ZNF676: variants seen among roughly 807,000 people sequenced by gnomAD.
The protein encoded by ZNF676 is zinc finger protein 676.
In ZNF676, 4 loss-of-function variants were observed where a neutral mutation model predicts 6.0. The ratio of observed to expected loss-of-function variants is 0.67; its 90% CI spans 0.33 to 1.53. ZNF676 has a LOEUF of 1.53. Among genes scored for constraint, ZNF676 ranks in the 40% most tolerant of loss-of-function variants. The pLI is 0.06. For synonymous variants in ZNF676, 198 were observed against 223.1 expected, an observed-to-expected ratio of 0.89 and a Z score of 1.00; for missense variants, 644 against 679.7, an observed-to-expected ratio of 0.95 and a Z score of 0.58.
chr19:22,252,947 C>A, the ZNF676 span, among the ~76,000 whole-genome samples: 1 of 152,124 alleles, frequency 6.6e-6, no homozygotes, highest in Non-Finnish European at 1.5e-5. Context: ...GATTAACCAT[C>A]CTGATCATGT....
At chr19:22,192,494 C>T (rs2023920305) in intron 2 of ZNF676, among the ~76,000 whole-genome samples, 1 of 151,836 alleles carries the variant, frequency 6.6e-6, no homozygotes, top group Non-Finnish European at 1.5e-5. Context: ...ATAGCCAAAG[C>T]AATCTTGAGG....
chr19:22,213,551 C>G (rs1208899615), intron 1 of ZNF676, among the ~76,000 whole-genome samples: 1 of 151,950 alleles, frequency 6.6e-6, no homozygotes, highest in Admixed American at 6.6e-5. Context: ...GGTTGTCCTA[C>G]AGGAGATGAG....
upstream of ZNF676, among the ~76,000 whole-genome samples, chr19:22,198,558 ATTCT>A (rs1189655385): frequency 6.6e-6 from 1 of 152,076 alleles, no homozygotes; most frequent in Non-Finnish European, 1.5e-5. Flanking sequence ...CTTCCCTAGG[ATTCT>A]TTCTCAGATA....
the ZNF676 span, among the ~76,000 whole-genome samples, chr19:22,250,562 G>A: frequency 2.6e-5 from 4 of 152,052 alleles, no homozygotes; most frequent in Non-Finnish European, 4.4e-5. Context: ...GAGATTATAG[G>A]AACACATTAC....
the ZNF676 span, among the ~76,000 whole-genome samples, chr19:22,255,652 T>C: frequency 1.6e-4 from 25 of 152,166 alleles, no homozygotes; most frequent in South Asian, 8.3e-4. Context: ...GAGACCATCC[T>C]GGCTAACACG....
At chr19:22,185,012 C>T (rs187703117) in intron 2 of ZNF676, among the ~76,000 whole-genome samples, 10 of 152,172 alleles carry the variant, frequency 6.6e-5, no homozygotes, top group South Asian at 2.1e-4. Context: ...AGCGTTCAAG[C>T]GCTGCTAAGG....
intron 2 of ZNF676, among the ~76,000 whole-genome samples, chr19:22,186,952 C>T (rs1020966529): frequency 2.0e-5 from 3 of 152,182 alleles, no homozygotes; most frequent in Non-Finnish European, 4.4e-5. Flanking sequence ...TAACACCCCA[C>T]TGTCAATATT....
intron 2 of ZNF676, among the ~76,000 whole-genome samples, chr19:22,183,991 G>A (rs1568526423): frequency 6.6e-6 from 1 of 152,122 alleles, no homozygotes; most frequent in Non-Finnish European, 1.5e-5. Context: ...AGAAACACAA[G>A]GAGATCAATA....
At chr19:22,253,301 C>T in the ZNF676 span, among the ~76,000 whole-genome samples, 1 of 150,260 alleles carries the variant, frequency 6.7e-6, no homozygotes, top group Admixed American at 6.7e-5. Context: ...CTATACCATG[C>T]TCTGTTAGGA....
At chr19:22,219,788 T>A (rs2024229423), upstream of ZNF676, among the ~76,000 whole-genome samples, 1 of 152,050 alleles carries the variant, frequency 6.6e-6, no homozygotes, top group African/African-American at 2.4e-5. Flanking sequence ...CCCCAGTAGC[T>A]GGCACCACAG....
At chr19:22,218,307 T>A (rs530836954), upstream of ZNF676, among the ~76,000 whole-genome samples, 4 of 152,156 alleles carry the variant, frequency 2.6e-5, no homozygotes, top group African/African-American at 9.6e-5. Flanking sequence ...TTGATTTTTG[T>A]ATAAGGTGAG....
intron 1 of ZNF676, among the ~76,000 whole-genome samples, chr19:22,212,877 C>A (rs1325569711): frequency 2.6e-5 from 4 of 151,902 alleles, no homozygotes; most frequent in Non-Finnish European, 4.4e-5. Flanking sequence ...CGCCTGTAGT[C>A]CCAGCTACTT....
intron 1 of ZNF676, among the ~76,000 whole-genome samples, chr19:22,212,488 G>A (rs1371057196): frequency 6.6e-6 from 1 of 151,326 alleles, no homozygotes; most frequent in Non-Finnish European, 1.5e-5. Flanking sequence ...ATTACTTGAG[G>A]TCAGAATTTT....
chr19:22,185,657 A>T (rs1283530198), intron 2 of ZNF676, among the ~76,000 whole-genome samples: 1 of 152,210 alleles, frequency 6.6e-6, no homozygotes, highest in Non-Finnish European at 1.5e-5. Flanking sequence ...AGGATTGCTA[A>T]TGAGAATAAT....
At chr19:22,239,325 G>A in the ZNF676 span, among the ~76,000 whole-genome samples, 47 of 148,826 alleles carry the variant, frequency 3.2e-4, no homozygotes, top group East Asian at 8.4e-3. Flanking sequence ...ACAGGCACCC[G>A]CCACCATGCC....
chr19:22,258,580 C>T, the ZNF676 span, among the ~76,000 whole-genome samples: 26 of 152,230 alleles, frequency 1.7e-4, no homozygotes, highest in Admixed American at 9.2e-4. Flanking sequence ...CACAGCGATA[C>T]GTCAGAATGC....
the ZNF676 span, among the ~76,000 whole-genome samples, chr19:22,250,895 C>A: frequency 2.0e-5 from 3 of 152,056 alleles, no homozygotes; most frequent in East Asian, 1.9e-4. Context: ...TATTTCATGT[C>A]AAGATGGGTT....
chr19:22,221,989 A>G, the ZNF676 span, among the ~76,000 whole-genome samples: 3 of 152,122 alleles, frequency 2.0e-5, no homozygotes, highest in African/African-American at 7.2e-5. Flanking sequence ...TAAAGTAAAA[A>G]AGTCCCCCAA....
chr19:22,187,851 C>G (rs778734654), intron 2 of ZNF676, among the ~76,000 whole-genome samples: 1 of 152,080 alleles, frequency 6.6e-6, no homozygotes, highest in Non-Finnish European at 1.5e-5. Context: ...AGACCAATAA[C>G]AAGTTCTGAA....
Sources: gnomAD v4.1 joint callset for allele counts (sites outside exome capture counted in the v4.1 genomes callset) on GRCh38, gnomAD v4.1.1 for gene constraint, MANE v1.5 for transcripts, NCBI Gene and HGNC (gene_info 2026-07-23, HGNC 2026-07-21) for gene names.